Variants in RBFOX1 observed in about 807,000 individuals in gnomAD.
RBFOX1 encodes the protein RNA binding fox-1 homolog 1, also known as RNA binding protein fox-1 homolog 1.
In RBFOX1, 8 loss-of-function variants were observed where a neutral mutation model predicts 57.7. That is an observed-to-expected ratio of 0.14 (90% CI 0.08 to 0.25). The LOEUF (loss-of-function observed/expected upper bound fraction) is 0.25, where lower values mean the gene tolerates loss of function less well. Ranked by LOEUF, RBFOX1 falls within the 10% of genes least tolerant of loss-of-function variation. The pLI, the probability that RBFOX1 is intolerant of heterozygous loss-of-function variation, is 1.00. For synonymous variants in RBFOX1, 326 were observed against 222.4 expected (o/e 1.47, Z -4.15); for missense variants, 611 against 548.5 (o/e 1.11, Z -1.14).
intron 1 of RBFOX1, among the ~76,000 whole-genome samples, chr16:5,280,504 G>A (rs934943246): frequency 7.9e-5 from 12 of 152,212 alleles, no homozygotes; most frequent in Non-Finnish European, 1.3e-4. Context: ...AGTTTGAGAA[G>A]AATTGGTGTT....
intron 2 of RBFOX1, among the ~76,000 whole-genome samples, chr16:6,530,967 T>A (rs1004934489): frequency 6.6e-6 from 1 of 152,114 alleles, no homozygotes; most frequent in Admixed American, 6.6e-5. Context: ...AAAACCCCAA[T>A]CACCTCCCTT....
At chr16:5,562,437 G>A (rs1054746216) in intron 2 of RBFOX1, among the ~76,000 whole-genome samples, 5 of 152,204 alleles carry the variant, frequency 3.3e-5, no homozygotes, top group South Asian at 2.1e-4. Flanking sequence ...GCAGATGCTG[G>A]GGCCAGGGCT....
chr16:6,391,427 G>A (rs1438678833), intron 2 of RBFOX1, among the ~76,000 whole-genome samples: 1 of 151,400 alleles, frequency 6.6e-6, no homozygotes, highest in Non-Finnish European at 1.5e-5. Flanking sequence ...GGAGAATGAC[G>A]TGAACCCGGG....
intron 3 of RBFOX1, among the ~76,000 whole-genome samples, chr16:5,804,754 G>C (rs1237437045): frequency 6.6e-6 from 1 of 152,120 alleles, no homozygotes; most frequent in African/African-American, 2.4e-5. Flanking sequence ...GCTGCTGCCT[G>C]GCCTTGAGTC....
At chr16:6,687,817 A>T (rs537456138) in intron 3 of RBFOX1, among the ~76,000 whole-genome samples, 1 of 152,184 alleles carries the variant, frequency 6.6e-6, no homozygotes, top group Non-Finnish European at 1.5e-5. Flanking sequence ...AACAAGTCAC[A>T]TGGGCCCAAC....
chr16:5,493,935 G>T (rs555855253), intron 2 of RBFOX1, among the ~76,000 whole-genome samples: 47 of 152,190 alleles, frequency 3.1e-4, no homozygotes, highest in African/African-American at 1.1e-3. Flanking sequence ...AAAGTGGAAA[G>T]GAAAAAACAA....
chr16:5,718,910 AAATGAATGAATG>A (rs551458775), intron 3 of RBFOX1, among the ~76,000 whole-genome samples: 12 of 151,734 alleles, frequency 7.9e-5, no homozygotes, highest in South Asian at 2.1e-4. Flanking sequence ...TTGCTTCTCA[AAATGAATGAATG>A]AATGAATGAA....
intron 3 of RBFOX1, among the ~76,000 whole-genome samples, chr16:6,732,318 C>T (rs932226215): frequency 3.9e-5 from 6 of 152,214 alleles, no homozygotes; most frequent in African/African-American, 1.2e-4. Context: ...CGGCCCCAGG[C>T]TCCTGTTCAG....
chr16:7,084,025 C>A (rs180804348), intron 4 of RBFOX1, among the ~76,000 whole-genome samples: 1 of 152,136 alleles, frequency 6.6e-6, no homozygotes, highest in African/African-American at 2.4e-5. Flanking sequence ...CTAACACTCT[C>A]CTGATCATCT....
chr16:6,558,058 T>C (rs2097129430), intron 2 of RBFOX1, among the ~76,000 whole-genome samples: 3 of 152,230 alleles, frequency 2.0e-5, no homozygotes, highest in African/African-American at 7.2e-5. Flanking sequence ...AGGCTCTTTT[T>C]TAAGGCTCTC....
chr16:7,602,689 G>C (rs1249385688), intron 9 of RBFOX1, among the ~76,000 whole-genome samples: 2 of 152,132 alleles, frequency 1.3e-5, no homozygotes, highest in Non-Finnish European at 2.9e-5. Context: ...AGCTCTGTAA[G>C]TCTGAGTGGA....
intron 14 of RBFOX1, among the ~76,000 whole-genome samples, chr16:7,683,619 C>G (rs946295162): frequency 6.6e-6 from 1 of 152,062 alleles, no homozygotes; most frequent in Non-Finnish European, 1.5e-5. Flanking sequence ...GGTGTAACAA[C>G]TCCTTTGGTC....
intron 1 of RBFOX1, among the ~76,000 whole-genome samples, chr16:5,294,034 G>C (rs1363544619): frequency 1.3e-5 from 2 of 152,084 alleles, no homozygotes; most frequent in Non-Finnish European, 2.9e-5. Flanking sequence ...TTCGAGACCT[G>C]CTTGGCCAAC....
chr16:7,358,430 T>G (rs895216048), intron 4 of RBFOX1, among the ~76,000 whole-genome samples: 86 of 151,078 alleles, frequency 5.7e-4, no homozygotes, highest in African/African-American at 1.8e-3. Context: ...TTGTTTTTTG[T>G]TTTTTTTTGA....
intron 2 of RBFOX1, among the ~76,000 whole-genome samples, chr16:6,548,653 C>T (rs967891813): frequency 6.6e-6 from 1 of 152,126 alleles, no homozygotes; most frequent in African/African-American, 2.4e-5. Flanking sequence ...GGGAAGCACA[C>T]GGGGTAGACT....
At chr16:6,920,572 C>T (rs1726343095) in intron 3 of RBFOX1, among the ~76,000 whole-genome samples, 1 of 152,142 alleles carries the variant, frequency 6.6e-6, no homozygotes, top group Admixed American at 6.5e-5. Flanking sequence ...AAATTTATTC[C>T]ATTACTGTTT....
intron 3 of RBFOX1, among the ~76,000 whole-genome samples, chr16:6,886,251 G>C (rs2064002185): frequency 6.6e-6 from 1 of 151,546 alleles, no homozygotes; most frequent in Admixed American, 6.6e-5. Flanking sequence ...TAGTAGAGAC[G>C]AGGTCTCACC....
rs1250190342 is a variant in RBFOX1 at position 6,806,817 on chromosome 16, A to AATATATATATATAT, written c.-16+152174_-16+152187dup. Among the ~76,000 whole-genome samples the AATATATATATATAT allele has an allele frequency of 4.5e-3, 384 of 84,964 alleles. 5 individuals carry two copies. The highest frequency in any genetic ancestry group is 7.2e-3 in the Non-Finnish European group (310 of 43,244). The allele number at this position is 84,964 out of a possible 152,430, so 55.7% of individuals were successfully genotyped here. ...ATTTATATATATAAATAAATATATA[A>AATATATATATATAT]ATATATATATATATATATATTTTTT... On this transcript the variant is annotated intron_variant, in intron 3 of 15. Transcript: ENST00000550418.
At chr16:6,417,687 G>A (rs937323355) in intron 2 of RBFOX1, among the ~76,000 whole-genome samples, 20 of 136,744 alleles carry the variant, frequency 1.5e-4, no homozygotes, top group Middle Eastern at 3.8e-3. Flanking sequence ...ACCATGTCTG[G>A]CCTTAAACTC....
Sources: gnomAD v4.1 joint callset for allele counts (sites outside exome capture counted in the v4.1 genomes callset) on GRCh38, gnomAD v4.1.1 for gene constraint, MANE v1.5 for transcripts, NCBI Gene and HGNC (gene_info 2026-07-23, HGNC 2026-07-21) for gene names.